The following REC114 variants were observed in gnomAD, a reference collection of about 807,000 sequenced individuals.
REC114 encodes meiotic recombination protein REC114.
Under a neutral mutation model 31.3 loss-of-function variants are expected in REC114, and 27 were observed. The ratio of observed to expected loss-of-function variants is 0.86; its 90% confidence interval spans 0.64 to 1.19. The LOEUF (loss-of-function observed/expected upper bound fraction) is 1.19, where lower values mean the gene tolerates loss of function less well. Among genes scored for constraint, REC114 ranks in the 50% most tolerant of loss-of-function variants. The probability of loss-of-function intolerance (pLI) is 0.00; values close to 1 mark genes in which losing one functional copy is unlikely to be tolerated. For synonymous variants in REC114, 134 were observed against 127.7 expected, an observed-to-expected ratio of 1.05 and a Z score of -0.33; for missense variants, 344 against 326.9, an observed-to-expected ratio of 1.05 and a Z score of -0.40.
At chr15:73,450,114 G>A (rs940012938) in intron 1 of REC114, among the ~76,000 whole-genome samples, 1 of 152,134 alleles carries the variant, frequency 6.6e-6, no homozygotes, top group Non-Finnish European at 1.5e-5. Context: ...ACATCATAAC[G>A]ACAGGATCAA....
chr15:73,509,859 T>C (rs895693542), intron 2 of REC114, among the ~76,000 whole-genome samples: 1 of 152,054 alleles, frequency 6.6e-6, no homozygotes, highest in African/African-American at 2.4e-5. Flanking sequence ...GTAGTATAGT[T>C]TGAAGTCAGG....
intron 2 of REC114, among the ~76,000 whole-genome samples, chr15:73,518,877 A>T (rs903904460): frequency 3.3e-5 from 5 of 152,246 alleles, no homozygotes; most frequent in African/African-American, 1.2e-4. Flanking sequence ...GATTTTTAAG[A>T]CTAAAGAAAG....
chr15:73,535,391 C>T (rs1408372649), intron 2 of REC114, among the ~76,000 whole-genome samples: 2 of 151,458 alleles, frequency 1.3e-5, no homozygotes, highest in African/African-American at 4.9e-5. Context: ...CAGCAACAGA[C>T]AAACAGCCAA....
At chr15:73,457,669 C>T (rs908626229) in intron 1 of REC114, among the ~76,000 whole-genome samples, 44 of 152,224 alleles carry the variant, frequency 2.9e-4, no homozygotes, top group East Asian at 2.7e-3. Flanking sequence ...AGAGCTGTTG[C>T]TTCCTTTGAT....
intron 1 of REC114, among the ~76,000 whole-genome samples, chr15:73,447,987 C>G (rs1361916437): frequency 6.6e-6 from 1 of 152,314 alleles, no homozygotes. Flanking sequence ...TCTTTGCAAT[C>G]AGCAGGCCAG....
At chr15:73,511,442 C>T (rs1027443238) in intron 2 of REC114, among the ~76,000 whole-genome samples, 1 of 152,002 alleles carries the variant, frequency 6.6e-6, no homozygotes, top group African/African-American at 2.4e-5. Flanking sequence ...TCTCTATTTC[C>T]TTCAGTTCTG....
chr15:73,521,168 C>T (rs550036424), intron 2 of REC114, among the ~76,000 whole-genome samples: 20 of 152,246 alleles, frequency 1.3e-4, no homozygotes, highest in Middle Eastern at 3.4e-3. Context: ...AATCCACAAT[C>T]CTGGTGAGAG....
At chr15:73,552,452 C>T (rs992655823) in intron 4 of REC114, among the ~76,000 whole-genome samples, 1 of 152,134 alleles carries the variant, frequency 6.6e-6, no homozygotes, top group Non-Finnish European at 1.5e-5. Context: ...TCAACATTAA[C>T]GTAAAGTGGG....
chr15:73,486,611 T>C (rs916244899), intron 2 of REC114, among the ~76,000 whole-genome samples: 23 of 152,240 alleles, frequency 1.5e-4, no homozygotes, highest in African/African-American at 4.6e-4. Flanking sequence ...CTTACAGTTT[T>C]AGAAGCTGGG....
intron 2 of REC114, among the ~76,000 whole-genome samples, chr15:73,526,620 G>A (rs943459154): frequency 2.0e-5 from 3 of 152,068 alleles, no homozygotes. Flanking sequence ...CAAATGTGCT[G>A]CTGTTGTCAT....
intron 5 of REC114, among the ~76,000 whole-genome samples, chr15:73,559,250 C>A (rs1894530074): frequency 6.6e-6 from 1 of 152,166 alleles, no homozygotes; most frequent in Admixed American, 6.5e-5. Flanking sequence ...TCAAAACTCA[C>A]AGATGGCCAG....
chr15:73,475,974 G>C (rs1484244814), intron 2 of REC114, among the ~76,000 whole-genome samples: 4 of 152,134 alleles, frequency 2.6e-5, no homozygotes, highest in Admixed American at 2.6e-4. Flanking sequence ...TTGTGTTAGT[G>C]TTACGGTTGC....
intron 1 of REC114, among the ~76,000 whole-genome samples, chr15:73,463,875 T>A (rs1893022009): frequency 1.3e-5 from 2 of 152,132 alleles, no homozygotes; most frequent in Admixed American, 6.5e-5. Context: ...TGTTTTTAAC[T>A]AGAAGCTTTT....
At chr15:73,543,942 CTTTTTTTTTT>C (rs34215297) in intron 3 of REC114, among the ~76,000 whole-genome samples, 18 of 74,134 alleles carry the variant, frequency 2.4e-4, no homozygotes, top group Non-Finnish European at 4.2e-4. Flanking sequence ...TGTTAACTGG[CTTTTTTTTTT>C]TTTTTTTTTT....
intron 2 of REC114, among the ~76,000 whole-genome samples, chr15:73,492,397 G>A (rs1893459087): frequency 6.6e-6 from 1 of 152,144 alleles, no homozygotes; most frequent in South Asian, 2.1e-4. Context: ...ATTGATGGGT[G>A]TTTGAGCAAT....
In REC114 at chr15:73,551,140, G is replaced by C. The variant is rs778142964; in HGVS notation, c.536G>C (p.Arg179Pro). 1.9e-6 allele frequency: 3 copies of C among 1,605,158 alleles called. No individual in the cohort carries two copies. Among genetic ancestry groups the C allele is most frequent in the Non-Finnish European group, 2.6e-6 (3 of 1,175,918 alleles). ...AAGGATTCTGCAAAGAGTGTCCCAC[G>C]GCAGCCTGGAGTAAGTAGGCTGATG... ...QGKDSAKSVP[R>P]QPGSHQHSEQ... Residue 179 changes from arginine to proline, a missense_variant, in exon 4 of 6, where the codon CGG becomes CCG. Coordinates refer to ENST00000331090, the MANE Select transcript of REC114 (RefSeq NM_001042367.2).
intron 2 of REC114, among the ~76,000 whole-genome samples, chr15:73,532,236 T>C (rs1894096034): frequency 6.6e-6 from 1 of 151,118 alleles, no homozygotes; most frequent in Non-Finnish European, 1.5e-5. Flanking sequence ...TATGCGGTGT[T>C]TGGTTTTTTG....
intron 2 of REC114, among the ~76,000 whole-genome samples, chr15:73,514,929 AT>A (rs34985483): frequency 0.24 from 32,281 of 132,604 alleles, 3,285 homozygotes; most frequent in Non-Finnish European, 0.3. Context: ...TAACACTCTG[AT>A]TTTTTTTTTT....
At chr15:73,459,054 C>T (rs1364899203) in intron 1 of REC114, among the ~76,000 whole-genome samples, 1 of 152,068 alleles carries the variant, frequency 6.6e-6, no homozygotes, top group Non-Finnish European at 1.5e-5. Context: ...TATGTTAATA[C>T]CTAGAACACT....
Sources: gnomAD v4.1 joint callset for allele counts (sites outside exome capture counted in the v4.1 genomes callset) on GRCh38, gnomAD v4.1.1 for gene constraint, MANE v1.5 for transcripts, NCBI Gene and HGNC (gene_info 2026-07-23, HGNC 2026-07-21) for gene names.